PTPRT: variants seen among roughly 807,000 people sequenced by gnomAD.
PTPRT encodes the protein receptor-type tyrosine-protein phosphatase T.
A neutral mutation model predicts 176.8 loss-of-function variants in PTPRT; 56 were observed. That is an observed-to-expected ratio of 0.32 (90% CI 0.26 to 0.40). The LOEUF (loss-of-function observed/expected upper bound fraction) is 0.40. Ranked by LOEUF, PTPRT falls within the 10% of genes least tolerant of loss-of-function variation. The probability of loss-of-function intolerance (pLI) is 1.00; values close to 1 mark genes in which losing one functional copy is unlikely to be tolerated. For missense variants in PTPRT, 1,540 were observed against 1,908.2 expected (o/e 0.81, Z 3.60); for synonymous variants, 783 against 739.0 (o/e 1.06, Z -0.96).
chr20:43,143,728 C>A (rs957050777), intron 1 of PTPRT, among the ~76,000 whole-genome samples: 12 of 152,160 alleles, frequency 7.9e-5, no homozygotes, highest in Non-Finnish European at 4.4e-5. Flanking sequence ...CCAAGCTGAT[C>A]TGGGAAGCAA....
intron 2 of PTPRT, among the ~76,000 whole-genome samples, chr20:42,832,854 A>G (rs2078114854): frequency 6.6e-6 from 1 of 150,452 alleles, no homozygotes; most frequent in Non-Finnish European, 1.5e-5. Context: ...ATGTAATCTC[A>G]GTACTTCGGG....
At position 42,110,414 on chromosome 20, in the gene PTPRT, T is replaced by C. The variant is rs1461001004; in HGVS notation, c.3173A>G (p.Tyr1058Cys). ...TSWPDHGVPC[Y>C]ATGLLGFVRQ... ...GACGAAGCCCAGAAGGCCAGTGGCA[T>C]AGCAGGGAACGCCGTGGTCAGGCCA... Residue 1058 changes from tyrosine (Y) to cysteine (C), a missense_variant, in exon 23 of 31, where the codon TAT becomes TGT. Tyr to Cys is a radical substitution (Grantham distance 194). This residue lies in a region of PTPRT where 248 missense variants were observed against 356.7 expected (regional missense o/e 0.70). Transcript: ENST00000373187. 3 of 1,612,712 alleles carry C rather than the reference T, an allele frequency of 1.9e-6. No homozygotes were observed. Among genetic ancestry groups the C allele is most frequent in the Non-Finnish European group, 2.5e-6 (3 of 1,179,002 alleles).
chr20:42,377,938 T>C (rs2058666479), intron 9 of PTPRT, among the ~76,000 whole-genome samples: 1 of 152,212 alleles, frequency 6.6e-6, no homozygotes, highest in African/African-American at 2.4e-5. Context: ...AGAGTAGCAG[T>C]AGTAAAAATA....
chr20:42,286,314 A>T (rs116572580), intron 12 of PTPRT, among the ~76,000 whole-genome samples: 5,025 of 152,156 alleles, frequency 0.033, 105 homozygotes, highest in Middle Eastern at 0.12. Flanking sequence ...GTTTCACACT[A>T]ACAGACTTTA....
At chr20:42,091,913 A>T (rs1184468014) in intron 27 of PTPRT, among the ~76,000 whole-genome samples, 1 of 152,202 alleles carries the variant, frequency 6.6e-6, no homozygotes, top group African/African-American at 2.4e-5. Flanking sequence ...CTTACTCTTA[A>T]AACAGCTGCA....
At chr20:42,931,660 C>T (rs206639) in intron 1 of PTPRT, among the ~76,000 whole-genome samples, 119,798 of 152,084 alleles carry the variant, frequency 0.79, 47,969 homozygotes, top group African/African-American at 0.95. Context: ...AGCGGGTGAG[C>T]ATACCATCAC....
At chr20:42,241,823 C>CT (rs980894205) in intron 14 of PTPRT, among the ~76,000 whole-genome samples, 9 of 152,002 alleles carry the variant, frequency 5.9e-5, no homozygotes, top group Non-Finnish European at 1.0e-4. Flanking sequence ...GGCGTTTGGG[C>CT]TTTTTTCCCA....
At chr20:42,793,508 T>A (rs1569160476) in intron 2 of PTPRT, among the ~76,000 whole-genome samples, 1 of 152,178 alleles carries the variant, frequency 6.6e-6, no homozygotes, top group Non-Finnish European at 1.5e-5. Flanking sequence ...GCAAAAGTCA[T>A]GATTTCGGAA....
chr20:42,954,969 T>G (rs1981529809), intron 1 of PTPRT, among the ~76,000 whole-genome samples: 1 of 147,152 alleles, frequency 6.8e-6, no homozygotes, highest in Admixed American at 6.8e-5. Flanking sequence ...TAAGGAAGGG[T>G]AGAAAGGGAA....
intron 1 of PTPRT, among the ~76,000 whole-genome samples, chr20:43,163,386 C>T (rs1307137628): frequency 6.6e-6 from 1 of 152,108 alleles, no homozygotes; most frequent in Non-Finnish European, 1.5e-5. Flanking sequence ...TGACTGTAAT[C>T]CCAGCACTTT....
intron 7 of PTPRT, among the ~76,000 whole-genome samples, chr20:42,648,578 C>T (rs1454093966): frequency 6.6e-6 from 1 of 152,116 alleles, no homozygotes; most frequent in Non-Finnish European, 1.5e-5. Flanking sequence ...AAGAAGGCCG[C>T]TACAGCTGCA....
chr20:42,531,084 ATCTT>A (rs2072375074), intron 7 of PTPRT, among the ~76,000 whole-genome samples: 1 of 152,210 alleles, frequency 6.6e-6, no homozygotes, highest in African/African-American at 2.4e-5. Context: ...TTTGGAAGCT[ATCTT>A]TCTTTGTAAT....
intron 1 of PTPRT, among the ~76,000 whole-genome samples, chr20:43,031,485 T>C (rs138737314): frequency 1.0e-3 from 154 of 152,322 alleles, no homozygotes; most frequent in Middle Eastern, 3.4e-3. Context: ...GCAATACAAT[T>C]GCATTGCTTA....
chr20:42,243,392 C>CT (rs1213983536), intron 14 of PTPRT, among the ~76,000 whole-genome samples: 2 of 152,158 alleles, frequency 1.3e-5, no homozygotes, highest in Non-Finnish European at 2.9e-5. Flanking sequence ...CAAATGAAGA[C>CT]TAGCATGTAT....
chr20:42,966,057 CA>C (rs1279949870), intron 1 of PTPRT, among the ~76,000 whole-genome samples: 1 of 152,136 alleles, frequency 6.6e-6, no homozygotes, highest in African/African-American at 2.4e-5. Flanking sequence ...TCTAGTTCCA[CA>C]CGGTAAGAAC....
intron 9 of PTPRT, among the ~76,000 whole-genome samples, chr20:42,358,250 T>C (rs1270821489): frequency 6.6e-6 from 1 of 152,088 alleles, no homozygotes; most frequent in Non-Finnish European, 1.5e-5. Flanking sequence ...TGTAAACTTA[T>C]TTCAAAATCA....
chr20:42,035,862 C>T, the PTPRT span, among the ~76,000 whole-genome samples: 1 of 152,180 alleles, frequency 6.6e-6, no homozygotes, highest in Non-Finnish European at 1.5e-5. Flanking sequence ...CACAGCTCAT[C>T]ATAGCACTGA....
chr20:42,542,172 AAT>A (rs151129821), intron 7 of PTPRT, among the ~76,000 whole-genome samples: 17,923 of 152,174 alleles, frequency 0.12, 1,122 homozygotes, highest in East Asian at 0.17. Flanking sequence ...ACTGTAAGTA[AAT>A]TAAGCCTCTT....
intron 13 of PTPRT, among the ~76,000 whole-genome samples, chr20:42,277,152 CT>C (rs2057053507): frequency 6.6e-6 from 1 of 152,152 alleles, no homozygotes; most frequent in African/African-American, 2.4e-5. Context: ...TCATCCTATG[CT>C]TCATTATTCT....
Sources: allele counts gnomAD v4.1 joint callset (sites outside exome capture counted in the v4.1 genomes callset), GRCh38; gene constraint gnomAD v4.1.1; regional missense constraint gnomAD v4.1.1; transcripts MANE v1.5; gene names NCBI Gene and HGNC (gene_info 2026-07-23, HGNC 2026-07-21).